Variants in SNX9 observed in about 807,000 individuals in gnomAD.
SNX9 encodes the protein sorting nexin-9.
A neutral mutation model predicts 89.4 loss-of-function variants in SNX9; 44 were observed. The observed-to-expected ratio is 0.49, with a 90% CI of 0.39 to 0.63. SNX9 has a LOEUF of 0.63. Ranked by LOEUF, SNX9 falls within the 30% of genes least tolerant of loss-of-function variation. The probability of loss-of-function intolerance (pLI) is 0.00; values close to 1 mark genes in which losing one functional copy is unlikely to be tolerated. For missense variants in SNX9, 578 were observed against 736.1 expected (o/e 0.79, Z 2.49); for synonymous variants, 236 against 247.8 (o/e 0.95, Z 0.45).
chr6:157,927,293 C>G, intron 11 of SNX9, 79 bp downstream of exon 11: 1 of 990,356 alleles, frequency 1.0e-6, no homozygotes, highest in Non-Finnish European at 1.6e-6. Flanking sequence ...CCAGTGTAGC[C>G]GCAGCCGAAA....
intron 9 of SNX9, among the ~76,000 whole-genome samples, chr6:157,915,639 AAATAT>A (rs1263648726): frequency 9.1e-4 from 91 of 99,816 alleles, no homozygotes; most frequent in African/African-American, 3.4e-3. Context: ...AAAAAAAAAA[AAATAT>A]ATATATATAT....
In SNX9 at chr6:157,865,340, G is replaced by GAA. The variant is rs541824549; in HGVS notation, c.13-2189_13-2188dup. 2.9e-3 allele frequency among the ~76,000 whole-genome samples: 275 copies of GAA among 95,432 alleles called. 2 individuals are homozygous for GAA. Among genetic ancestry groups the GAA allele is most frequent in the African/African-American group, 6.2e-3 (169 of 27,062 alleles). 62.6% of individuals were successfully genotyped at this position (95,432 alleles called of 152,430 possible). A position where few individuals can be genotyped will look rare whatever the true frequency, so the allele number is the denominator to read the frequency against. ...GGCAACAAGAGCGAAACAGTCTCAG[G>GAA]AAAAAAAAAAAAAAAAAAACACCAC... is the stretch of plus-strand genomic sequence containing the variant. On this transcript the variant is annotated intron_variant, in intron 1 of 17. Coordinates refer to ENST00000392185, the MANE Select transcript of SNX9 (RefSeq NM_016224.5).
chr6:157,904,931 G>C (rs1006790819), intron 6 of SNX9, among the ~76,000 whole-genome samples: 1 of 152,120 alleles, frequency 6.6e-6, no homozygotes, highest in Admixed American at 6.5e-5. Flanking sequence ...CTCTACCTGC[G>C]GCTGCAGGGA....
At chr6:157,909,544 G>T in intron 7 of SNX9, 121 bp from the exon 8 acceptor site, 2 of 1,151,042 alleles carry the variant, frequency 1.7e-6, no homozygotes, top group Non-Finnish European at 2.5e-6. Context: ...TTTCAAAGAG[G>T]AACAAGAATG....
At chr6:157,940,791 G>A (rs1077649) in intron 16 of SNX9, 92 bp from the exon 17 acceptor site, 2 of 1,130,024 alleles carry the variant, frequency 1.8e-6, no homozygotes, top group Non-Finnish European at 2.6e-6. Context: ...ATTAGGTCAG[G>A]TTGATGATTA....
At chr6:157,853,342 G>A (rs151179092) in intron 1 of SNX9, among the ~76,000 whole-genome samples, 1 of 152,086 alleles carries the variant, frequency 6.6e-6, no homozygotes, top group East Asian at 1.9e-4. Context: ...AATAATATAT[G>A]TTTTTCTCCT....
At chr6:157,902,144 C>G in intron 6 of SNX9, 99 bp downstream of exon 6, 1 of 1,057,498 alleles carries the variant, frequency 9.5e-7, no homozygotes, top group Non-Finnish European at 1.2e-6. Flanking sequence ...TTTTCCCTTT[C>G]CAGTGATCTC....
chr6:157,890,031 G>T (rs1483358331), intron 4 of SNX9, among the ~76,000 whole-genome samples: 1 of 152,196 alleles, frequency 6.6e-6, no homozygotes, highest in Non-Finnish European at 1.5e-5. Context: ...AAGTGATAAA[G>T]CTGGGATTCA....
At chr6:157,893,608 TTG>T (rs3047741) in intron 4 of SNX9, among the ~76,000 whole-genome samples, 2,171 of 148,822 alleles carry the variant, frequency 0.015, 21 homozygotes, top group Middle Eastern at 0.021. Flanking sequence ...CTAGCACCAT[TTG>T]TGTGTGTGTG....
chr6:157,919,727 G>A (rs959470702), intron 9 of SNX9, among the ~76,000 whole-genome samples: 1 of 152,038 alleles, frequency 6.6e-6, no homozygotes, highest in African/African-American at 2.4e-5. Flanking sequence ...CTCAGAGATA[G>A]TGTCTATTGA....
rs577650753 is a variant in SNX9 at position 157,840,221 on chromosome 6, G to A, written c.12+16775G>A. On this transcript the variant is annotated intron_variant, in intron 1 of 17. Transcript: ENST00000392185. ...GGTGCTTGGGGTGTCTTTGGATCTC[G>A]GGAAAGAGCAGACCCTCAGGCTGGT... 7.6e-4 allele frequency among the ~76,000 whole-genome samples: 98 copies of A among 129,586 alleles called. 3 individuals are homozygous for A. The highest frequency in any genetic ancestry group is 2.8e-3 in the African/African-American group (85 of 30,854). 85.0% of individuals were successfully genotyped at this position (129,586 alleles called of 152,430 possible). A position where few individuals can be genotyped will look rare whatever the true frequency, so the allele number is the denominator to read the frequency against.
chr6:157,889,302 A>G (rs1007056532), intron 4 of SNX9, among the ~76,000 whole-genome samples: 1 of 151,722 alleles, frequency 6.6e-6, no homozygotes. Context: ...GTGGTGGTGC[A>G]CCCCTGTAAT....
At chr6:157,868,734 A>C (rs1458031557) in intron 2 of SNX9, among the ~76,000 whole-genome samples, 1 of 152,230 alleles carries the variant, frequency 6.6e-6, no homozygotes, top group Non-Finnish European at 1.5e-5. Flanking sequence ...TGTAACAAAA[A>C]TTGTATCAAT....
chr6:157,891,439 AAGTCTTAGTATACAT>A (rs1372678107), intron 4 of SNX9, among the ~76,000 whole-genome samples: 10 of 152,324 alleles, frequency 6.6e-5, no homozygotes, highest in South Asian at 2.1e-4. Context: ...ACATAAGGCA[AAGTCTTAGTATACAT>A]AGTCTTAGTA....
intron 9 of SNX9, among the ~76,000 whole-genome samples, chr6:157,915,636 A>T (rs1306489513): frequency 2.6e-5 from 2 of 76,598 alleles, no homozygotes; most frequent in Admixed American, 1.2e-4. Context: ...AAAAAAAAAA[A>T]AAAAATATAT....
chr6:157,873,917 G>A (rs1782468344), intron 3 of SNX9, among the ~76,000 whole-genome samples: 1 of 152,124 alleles, frequency 6.6e-6, no homozygotes, highest in Non-Finnish European at 1.5e-5. Context: ...CCAACCACCT[G>A]GCGCCCCCTG....
intron 4 of SNX9, among the ~76,000 whole-genome samples, chr6:157,888,505 G>C (rs1454383295): frequency 6.6e-6 from 1 of 152,130 alleles, no homozygotes; most frequent in Non-Finnish European, 1.5e-5. Context: ...TGAATGTGCT[G>C]GTTTTAGTTA....
At chr6:157,927,415 ATCTT>A (rs1209264709) in intron 11 of SNX9, among the ~76,000 whole-genome samples, 1 of 152,134 alleles carries the variant, frequency 6.6e-6, no homozygotes. Context: ...TCAAATTACA[ATCTT>A]TCTTTCACCT....
intron 1 of SNX9, among the ~76,000 whole-genome samples, chr6:157,834,087 A>G (rs547743265): frequency 2.9e-5 from 4 of 136,510 alleles, no homozygotes; most frequent in East Asian, 2.4e-4. Context: ...GGATCCTGCC[A>G]TGGGGTGACA....
Sources: allele counts gnomAD v4.1 joint callset (sites outside exome capture counted in the v4.1 genomes callset), GRCh38; gene constraint gnomAD v4.1.1; transcripts MANE v1.5; gene names NCBI Gene and HGNC (gene_info 2026-07-23, HGNC 2026-07-21).